Variants in NELL1 observed in about 807,000 individuals in gnomAD.
The protein encoded by NELL1 is protein kinase C-binding protein NELL1.
NELL1 carries 76 observed loss-of-function variants against 107.4 expected under a neutral mutation model. That is an observed-to-expected ratio of 0.71 (90% CI 0.59 to 0.86). The LOEUF (loss-of-function observed/expected upper bound fraction) is 0.86, where lower values mean the gene tolerates loss of function less well. Ranked by LOEUF, NELL1 falls within the 40% of genes least tolerant of loss-of-function variation. The pLI, the probability that NELL1 is intolerant of heterozygous loss-of-function variation, is 0.00. For missense variants in NELL1, 1,024 were observed against 1,005.5 expected (o/e 1.02, Z -0.25); for synonymous variants, 353 against 341.2 (o/e 1.03, Z -0.38).
intron 7 of NELL1, among the ~76,000 whole-genome samples, chr11:20,923,415 A>C (rs572686101): frequency 6.6e-6 from 1 of 152,224 alleles, no homozygotes; most frequent in Non-Finnish European, 1.5e-5. Context: ...GCAAAACTAT[A>C]CTTTTTTTAA....
intron 14 of NELL1, among the ~76,000 whole-genome samples, chr11:21,343,274 G>T (rs2133706841): frequency 6.6e-6 from 1 of 151,558 alleles, no homozygotes; most frequent in South Asian, 2.1e-4. Context: ...CTGCTTCTAT[G>T]CAGGATGCAT....
At chr11:20,862,120 T>C (rs1208806657) in intron 4 of NELL1, among the ~76,000 whole-genome samples, 2 of 152,218 alleles carry the variant, frequency 1.3e-5, no homozygotes, top group East Asian at 3.8e-4. Context: ...TTCTAGATGC[T>C]TTTCTCTGGA....
chr11:20,991,383 G>A (rs77083769), intron 12 of NELL1, among the ~76,000 whole-genome samples: 4,966 of 152,260 alleles, frequency 0.033, 258 homozygotes, highest in African/African-American at 0.11. Context: ...CCCTTATTGA[G>A]TGCCTTCTAA....
At chr11:20,870,804 A>G in intron 4 of NELL1, among the ~76,000 whole-genome samples, 1 of 152,220 alleles carries the variant, frequency 6.6e-6, no homozygotes, top group East Asian at 1.9e-4. Context: ...TTCTTCCATG[A>G]TTGTGAACTT....
intron 3 of NELL1, among the ~76,000 whole-genome samples, chr11:20,815,345 C>G (rs557894734): frequency 1.3e-5 from 2 of 152,146 alleles, no homozygotes; most frequent in Non-Finnish European, 2.9e-5. Flanking sequence ...CTCAGCCTCC[C>G]AAAGTGCTGG....
At chr11:20,691,644 A>G in intron 2 of NELL1, among the ~76,000 whole-genome samples, 1 of 151,976 alleles carries the variant, frequency 6.6e-6, no homozygotes, top group East Asian at 1.9e-4. Flanking sequence ...CAACTTGATC[A>G]TGGTGGATAA....
At chr11:21,327,165 T>G (rs866080551) in intron 14 of NELL1, among the ~76,000 whole-genome samples, 14,708 of 123,198 alleles carry the variant, frequency 0.12, 1,712 homozygotes, top group Non-Finnish European at 0.15. Flanking sequence ...ATCTGATGTT[T>G]TTTTTTTTTT....
intron 13 of NELL1, among the ~76,000 whole-genome samples, chr11:21,178,187 C>T (rs1856751051): frequency 6.6e-6 from 1 of 151,540 alleles, no homozygotes; most frequent in Non-Finnish European, 1.5e-5. Flanking sequence ...ATTTTTATGG[C>T]CCTGTTTTTC....
intron 14 of NELL1, among the ~76,000 whole-genome samples, chr11:21,271,517 A>G (rs1590790654): frequency 6.6e-6 from 1 of 152,202 alleles, no homozygotes; most frequent in Non-Finnish European, 1.5e-5. Context: ...CCAGGCCCAG[A>G]TGGGTTCACT....
At chr11:21,546,096 C>T (rs1296397366) in intron 16 of NELL1, among the ~76,000 whole-genome samples, 1 of 151,944 alleles carries the variant, frequency 6.6e-6, no homozygotes, top group South Asian at 2.1e-4. Context: ...ATAGTTTTTC[C>T]TGGGATCTTG....
chr11:20,973,911 T>C (rs1319562498), intron 12 of NELL1, among the ~76,000 whole-genome samples: 1 of 152,242 alleles, frequency 6.6e-6, no homozygotes, highest in Non-Finnish European at 1.5e-5. Context: ...ATGGGAACTT[T>C]CTGAGCCCAG....
At chr11:21,511,938 G>A (rs1855446232) in intron 15 of NELL1, among the ~76,000 whole-genome samples, 2 of 152,176 alleles carry the variant, frequency 1.3e-5, no homozygotes, top group Non-Finnish European at 2.9e-5. Context: ...TAAGATGCAA[G>A]CTGACATCAT....
intron 5 of NELL1, among the ~76,000 whole-genome samples, chr11:20,917,938 A>C (rs987615289): frequency 6.6e-6 from 1 of 151,972 alleles, no homozygotes; most frequent in African/African-American, 2.4e-5. Flanking sequence ...CTTTGGTGTT[A>C]TAATCTATAA....
intron 12 of NELL1, among the ~76,000 whole-genome samples, chr11:21,112,974 C>T (rs887048228): frequency 2.0e-5 from 3 of 152,024 alleles, no homozygotes; most frequent in African/African-American, 7.2e-5. Context: ...ATGCTCTGAA[C>T]TCCATCCCAA....
At chr11:20,823,841 A>C (rs1320997956) in intron 3 of NELL1, among the ~76,000 whole-genome samples, 1 of 151,218 alleles carries the variant, frequency 6.6e-6, no homozygotes, top group South Asian at 2.1e-4. Context: ...ATGCCCCTGC[A>C]CCTGCCCCGA....
intron 11 of NELL1, among the ~76,000 whole-genome samples, chr11:20,956,077 G>A (rs191943212): frequency 5.3e-5 from 8 of 152,142 alleles, no homozygotes; most frequent in Non-Finnish European, 7.4e-5. Flanking sequence ...AAATTAGCCC[G>A]GCATGGTGGT....
intron 15 of NELL1, among the ~76,000 whole-genome samples, chr11:21,488,191 A>G (rs1331606386): frequency 6.6e-6 from 1 of 152,212 alleles, no homozygotes; most frequent in African/African-American, 2.4e-5. Flanking sequence ...AGACATTTAC[A>G]GAACATTTTA....
intron 2 of NELL1, among the ~76,000 whole-genome samples, chr11:20,692,729 G>A (rs565147396): frequency 9.9e-5 from 15 of 152,222 alleles, no homozygotes; most frequent in African/African-American, 3.6e-4. Context: ...TTTGGAATAA[G>A]TGTGATGTGG....
chr11:21,448,929 TG>T (rs1480716003), intron 15 of NELL1, among the ~76,000 whole-genome samples: 2 of 152,236 alleles, frequency 1.3e-5, no homozygotes, highest in African/African-American at 4.8e-5. Flanking sequence ...TTCCATTGTA[TG>T]GCTATATCAA....
Sources: allele counts gnomAD v4.1 joint callset (sites outside exome capture counted in the v4.1 genomes callset), GRCh38; gene constraint gnomAD v4.1.1; transcripts MANE v1.5; gene names NCBI Gene and HGNC (gene_info 2026-07-23, HGNC 2026-07-21).